The following TCF7L2 variants were observed in gnomAD, a reference collection of about 807,000 sequenced individuals.
The protein encoded by TCF7L2 is transcription factor 7-like 2.
A neutral mutation model predicts 77.9 loss-of-function variants in TCF7L2; 23 were observed. The ratio of observed to expected loss-of-function variants is 0.30; its 90% confidence interval spans 0.21 to 0.42. The LOEUF is 0.42. Ranked by LOEUF, TCF7L2 falls within the 10% of genes least tolerant of loss-of-function variation. The pLI, the probability that TCF7L2 is intolerant of heterozygous loss-of-function variation, is 1.00. For synonymous variants in TCF7L2, 413 were observed against 340.2 expected, an observed-to-expected ratio of 1.21 and a Z score of -2.36; for missense variants, 654 against 793.1, an observed-to-expected ratio of 0.82 and a Z score of 2.11.
chr10:113,143,125 T>C (rs2068681957), intron 6 of TCF7L2, among the ~76,000 whole-genome samples: 1 of 152,236 alleles, frequency 6.6e-6, no homozygotes, highest in Non-Finnish European at 1.5e-5. Context: ...TCTGTCAGAG[T>C]GGACTACAGG....
intron 4 of TCF7L2, chr10:112,987,655 G>C (rs2041809596): frequency 6.6e-6 from 1 of 152,036 alleles, no homozygotes; most frequent in Non-Finnish European, 1.5e-5. Flanking sequence ...AAGCAGGGAA[G>C]ATTGTGATGA....
At chr10:113,117,358 A>T (rs2063858623) in intron 5 of TCF7L2, among the ~76,000 whole-genome samples, 1 of 131,776 alleles carries the variant, frequency 7.6e-6, no homozygotes, top group Non-Finnish European at 1.6e-5. Flanking sequence ...CCTTCCTTGA[A>T]GGGATTTTCT....
At chr10:113,106,508 G>A (rs1214122956) in intron 5 of TCF7L2, among the ~76,000 whole-genome samples, 4 of 152,188 alleles carry the variant, frequency 2.6e-5, no homozygotes, top group Non-Finnish European at 5.9e-5. Flanking sequence ...AGTGTGTTCA[G>A]TATGAATTCA....
chr10:113,146,146 C>A (rs369802592), intron 8 of TCF7L2, 49 bp downstream of exon 8: 1 of 1,577,612 alleles, frequency 6.3e-7, no homozygotes, highest in Non-Finnish European at 8.7e-7. Context: ...TGTGACTTCT[C>A]AAGAAGTTCT....
In TCF7L2 at chr10:113,165,557, G is replaced by GA. The variant is rs745872748; in HGVS notation, c.1403dup (p.Cys469ValfsTer8). On this transcript the variant is annotated frameshift_variant, in exon 14 of 14. Transcript: ENST00000627217. LOFTEE classifies it high-confidence loss of function. ...ATAACTCTCTCCCCTGTTTCTAGGA[G>GA]AAAAAAAAAGTGCGTTCGCTACATA... 2.4e-5 allele frequency: 38 copies of GA among 1,603,808 alleles called. No individual in the cohort carries two copies. The highest frequency in any genetic ancestry group is 1.7e-4 in the Middle Eastern group (1 of 6,032).
intron 4 of TCF7L2, among the ~76,000 whole-genome samples, chr10:112,999,722 C>T (rs2044137334): frequency 6.6e-6 from 1 of 152,218 alleles, no homozygotes; most frequent in African/African-American, 2.4e-5. Flanking sequence ...TACTTAATGG[C>T]TGTTGAGTAT....
intron 4 of TCF7L2, among the ~76,000 whole-genome samples, chr10:112,986,209 T>G (rs1189840286): frequency 6.6e-6 from 1 of 152,046 alleles, no homozygotes. Flanking sequence ...CATGAAAATG[T>G]CTTGGGTTGG....
chr10:113,057,814 A>G (rs961616201), intron 5 of TCF7L2, among the ~76,000 whole-genome samples: 1 of 152,120 alleles, frequency 6.6e-6, no homozygotes, highest in Non-Finnish European at 1.5e-5. Flanking sequence ...GTTCATAGCT[A>G]AGGTCTTATT....
chr10:113,094,762 G>C (rs1218714501), intron 5 of TCF7L2, among the ~76,000 whole-genome samples: 1 of 152,180 alleles, frequency 6.6e-6, no homozygotes, highest in Non-Finnish European at 1.5e-5. Context: ...AAGTACTAAT[G>C]ATTATCCCTC....
rs529700765 is a variant in TCF7L2 at position 112,977,294 on chromosome 10, A to T, written c.450+12670A>T. On this transcript the variant is annotated intron_variant, in intron 4 of 13. Coordinates refer to ENST00000627217, the MANE Select transcript of TCF7L2 (RefSeq NM_001146274.2). ...CTAGGGGTACTGGAAGATTCTTCTC[A>T]CTAGGGCTTTGGTGAGGCTGCCCTG... Among the ~76,000 whole-genome samples, 48 of 152,322 alleles carry T rather than the reference A, an allele frequency of 3.2e-4. No individual in the cohort carries two copies. The South Asian group carries it at 9.7e-3, about 31-fold the overall frequency.
chr10:113,119,209 G>T (rs908464127), intron 5 of TCF7L2, among the ~76,000 whole-genome samples: 1 of 152,168 alleles, frequency 6.6e-6, no homozygotes, highest in African/African-American at 2.4e-5. Flanking sequence ...TAGGCCAGTG[G>T]TCGATAGGAG....
chr10:113,129,303 T>C, intron 5 of TCF7L2: 2 of 986,230 alleles, frequency 2.0e-6, no homozygotes, highest in Non-Finnish European at 2.4e-6. Flanking sequence ...ACTCGGTTGA[T>C]CATTTTCCCT....
intron 4 of TCF7L2, among the ~76,000 whole-genome samples, chr10:113,017,661 G>A (rs973233098): frequency 6.6e-6 from 1 of 152,216 alleles, no homozygotes; most frequent in Non-Finnish European, 1.5e-5. Flanking sequence ...CCTCCATCCA[G>A]TGTCCTTCTA....
At chr10:113,073,867 C>T (rs1221233800) in intron 5 of TCF7L2, among the ~76,000 whole-genome samples, 2 of 152,188 alleles carry the variant, frequency 1.3e-5, no homozygotes, top group Admixed American at 6.5e-5. Context: ...ACTCCATGTG[C>T]GAGTTGCTGG....
intron 13 of TCF7L2, among the ~76,000 whole-genome samples, chr10:113,162,469 G>C (rs1339382059): frequency 6.6e-6 from 1 of 151,872 alleles, no homozygotes; most frequent in Non-Finnish European, 1.5e-5. Context: ...TTACAGCCTG[G>C]GTGTATCTTC....
At chr10:113,123,368 C>T (rs988949269) in intron 5 of TCF7L2, among the ~76,000 whole-genome samples, 1 of 152,158 alleles carries the variant, frequency 6.6e-6, no homozygotes, top group East Asian at 1.9e-4. Context: ...AGCAAAGGCT[C>T]TTTACTTTAG....
intron 11 of TCF7L2, among the ~76,000 whole-genome samples, chr10:113,153,077 G>A (rs961282001): frequency 6.6e-6 from 1 of 152,164 alleles, no homozygotes. Context: ...GTGCTATGCG[G>A]TGTGTGTGTT....
intron 5 of TCF7L2, among the ~76,000 whole-genome samples, chr10:113,060,867 G>C (rs951283982): frequency 2.8e-4 from 42 of 152,104 alleles, no homozygotes; most frequent in African/African-American, 1.0e-3. Context: ...GCTGTGGCTG[G>C]CTGCTGTGTG....
intron 5 of TCF7L2, among the ~76,000 whole-genome samples, chr10:113,062,944 A>ACACATGT (rs1373293077): frequency 6.6e-6 from 1 of 152,222 alleles, no homozygotes; most frequent in African/African-American, 2.4e-5. Flanking sequence ...GTTTATAGAT[A>ACACATGT]CACATGTATC....
Sources: allele counts gnomAD v4.1 joint callset (sites outside exome capture counted in the v4.1 genomes callset), GRCh38; gene constraint gnomAD v4.1.1; transcripts MANE v1.5; gene names NCBI Gene and HGNC (gene_info 2026-07-23, HGNC 2026-07-21).